LAMB1: variants seen among roughly 807,000 people sequenced by gnomAD.
LAMB1 encodes laminin subunit beta-1.
In LAMB1, 121 loss-of-function variants were observed where a neutral mutation model predicts 222.3. That is an observed-to-expected ratio of 0.54 (90% CI 0.47 to 0.63). LAMB1 has a LOEUF of 0.63. LAMB1 is among the 30% of genes least tolerant of loss of function. The probability of loss-of-function intolerance (pLI) is 0.00; values close to 1 mark genes in which losing one functional copy is unlikely to be tolerated. For synonymous variants in LAMB1, 794 were observed against 807.2 expected (o/e 0.98, Z 0.28); for missense variants, 2,172 against 2,240.8 (o/e 0.97, Z 0.62).
chr7:107,940,321 CTG>C lies in LAMB1; in HGVS notation c.3427_3428del (p.Gln1143ValfsTer2), dbSNP rs1562979290. 1 of 1,614,142 alleles carries C rather than the reference CTG, an allele frequency of 6.2e-7. No homozygotes were observed. The highest frequency in any genetic ancestry group is 1.7e-5 in the Admixed American group (1 of 60,028). Reference protein sequence around the residue: ...DCDPRGIETPQCDQSTGQCVC... With the variant: ...DCDPRGIETPXCDQSTGQCVC... ...CACACTGGCCCGTGGACTGGTCACACTGTGGCGTCTCAATGCCCCTGGGGTCA... is the reference window on the plus strand; with the variant it reads ...CACACTGGCCCGTGGACTGGTCACACTGGCGTCTCAATGCCCCTGGGGTCA... On this transcript the variant is annotated frameshift_variant, in exon 25 of 34. Coordinates refer to ENST00000222399, the MANE Select transcript of LAMB1 (RefSeq NM_002291.3). LOFTEE classifies it high-confidence loss of function.
chr7:107,976,296 G>A (rs565228366), intron 9 of LAMB1, among the ~76,000 whole-genome samples: 42 of 152,168 alleles, frequency 2.8e-4, no homozygotes, highest in African/African-American at 9.9e-4. Context: ...GCCTGTCCAC[G>A]GGCTCCCTGC....
At position 107,929,046 on chromosome 7, in the gene LAMB1, A is replaced by G. The variant is rs1182093298; in HGVS notation, c.4887+18T>C. On this transcript the variant is annotated intron_variant, in intron 31 of 33. Coordinates refer to ENST00000222399, the MANE Select transcript of LAMB1 (RefSeq NM_002291.3). ...ATGTAGGTGTGTTCCCATTCATGTA[A>G]TGATTGTGTATGCCTACCGAAGTTA... is the stretch of plus-strand genomic sequence containing the variant. 1 of 1,611,748 alleles carries G rather than the reference A, an allele frequency of 6.2e-7. No homozygotes were observed. The highest frequency in any genetic ancestry group is 1.1e-5 in the South Asian group (1 of 91,036).
Position 108,002,886 on chromosome 7 carries a change from G to A in LAMB1, c.-1C>T. The stretch of plus-strand genomic sequence containing the variant: ...AAGCTAGCAACTGGAGAAGCCCCAT[G>A]CCGGCTCCCTGCAGCCACGGGGACG... On this transcript the variant is annotated 5_prime_UTR_variant, in exon 2 of 34. Transcript: ENST00000222399. The A allele has an allele frequency of 6.2e-7, 1 of 1,614,058 alleles. No homozygotes were observed. Among genetic ancestry groups the A allele is most frequent in the Non-Finnish European group, 8.5e-7 (1 of 1,180,012 alleles).
intron 3 of LAMB1, chr7:107,999,862 C>G (rs929677957): frequency 3.3e-5 from 5 of 151,536 alleles, no homozygotes; most frequent in African/African-American, 1.2e-4. Context: ...ATACCAAGAG[C>G]CAGCTTCACA....
intron 4 of LAMB1, among the ~76,000 whole-genome samples, chr7:107,995,460 A>G (rs781546910): frequency 1.3e-5 from 2 of 152,252 alleles, no homozygotes; most frequent in African/African-American, 2.4e-5. Flanking sequence ...AGTCTACCAC[A>G]TATGTTAGTT....
rs1001577342 is a variant in LAMB1 at position 107,929,357 on chromosome 7, T to C, written c.4745+55A>G. The C allele has an allele frequency of 7.8e-6, 12 of 1,542,616 alleles. No individual in the cohort carries two copies. The Middle Eastern group carries it at 2.0e-3, about 261-fold the overall frequency. On this transcript the variant is annotated intron_variant, in intron 30 of 33. Transcript: ENST00000222399. ...GTTTCATTGGTTAAAGAGATACTTT[T>C]TACTCCATGATAGATACACAAAATA...
In LAMB1 at chr7:107,985,987, T is replaced by A. The variant is rs1365395158; in HGVS notation, c.676+35A>T. ...AACAAAACAAAACAAACAAACAAAC[T>A]AACAAAAAACACTTTTGTTTGAAAA... is the stretch of plus-strand genomic sequence containing the variant. On this transcript the variant is annotated intron_variant, in intron 7 of 33. Transcript: ENST00000222399. 3 of 1,501,786 alleles carry A rather than the reference T, an allele frequency of 2.0e-6. No homozygotes were observed. In the African/African-American group the frequency reaches 4.1e-5, roughly 21 times the overall value. 93.0% of individuals were successfully genotyped at this position (1,501,786 alleles called of 1,614,324 possible).
rs1356466610 is a variant in LAMB1, at chr7:107,962,902, T to C, written c.1857+3A>G. On this transcript the variant is annotated splice_donor_region_variant and intron_variant, in intron 15 of 33. Coordinates refer to ENST00000222399, the MANE Select transcript of LAMB1 (RefSeq NM_002291.3). ...CCACCAGTCCACTAAGTGGTTTCTT[T>C]ACCTGTGGCTCGTAGCGAATTAGGA... 1.9e-6 allele frequency: 3 copies of C among 1,611,056 alleles called. No individual in the cohort carries two copies. The highest frequency in any genetic ancestry group is 3.4e-5 in the Admixed American group (2 of 59,550).
intron 22 of LAMB1, 27 bp from the exon 23 acceptor site, chr7:107,952,250 T>C: frequency 6.5e-7 from 1 of 1,538,690 alleles, no homozygotes; most frequent in Non-Finnish European, 8.9e-7. Context: ...CATTTACTTA[T>C]TGTCACACTC....
At chr7:107,980,465 T>C (rs2033949918) in intron 8 of LAMB1, 144 bp downstream of exon 8, 6 of 624,556 alleles carry the variant, frequency 9.6e-6, no homozygotes. Context: ...AACAATCAGC[T>C]ACCTGTATGG....
At chr7:107,950,391 G>GT (rs2033216015) in intron 24 of LAMB1, among the ~76,000 whole-genome samples, 1 of 152,258 alleles carries the variant, frequency 6.6e-6, no homozygotes, top group South Asian at 2.1e-4. Flanking sequence ...TAAAAACAGA[G>GT]TTGCAACAGC....
chr7:107,949,403 G>A, intron 24 of LAMB1, among the ~76,000 whole-genome samples: 1 of 152,228 alleles, frequency 6.6e-6, no homozygotes, highest in African/African-American at 2.4e-5. Flanking sequence ...GACAGAATCA[G>A]GGTATGTGCA....
At chr7:107,976,518 C>T (rs1247364200) in intron 9 of LAMB1, among the ~76,000 whole-genome samples, 7 of 152,180 alleles carry the variant, frequency 4.6e-5, no homozygotes, top group Admixed American at 4.6e-4. Context: ...GCTTAACAAT[C>T]CCATTCTTGT....
At position 107,953,821 on chromosome 7, in the gene LAMB1, C is replaced by A. The variant is rs943699895; in HGVS notation, c.2855-67G>T. On this transcript the variant is annotated intron_variant, in intron 21 of 33. Coordinates refer to ENST00000222399, the MANE Select transcript of LAMB1 (RefSeq NM_002291.3). ...GACTGAAAGCTCACCAGTGCACCGACACTCATGCCTAGAGAGAGCTGATCG... is the reference window on the plus strand; with the variant it reads ...GACTGAAAGCTCACCAGTGCACCGAAACTCATGCCTAGAGAGAGCTGATCG... 1.1e-5 allele frequency: 15 copies of A among 1,353,744 alleles called. No individual in the cohort carries two copies. In the African/African-American group the frequency reaches 2.1e-4, roughly 19 times the overall value. The allele number at this position is 1,353,744 out of a possible 1,614,324, so 83.9% of individuals were successfully genotyped here. A position where few individuals can be genotyped will look rare whatever the true frequency, so the allele number is the denominator to read the frequency against.
intron 27 of LAMB1, among the ~76,000 whole-genome samples, chr7:107,934,922 C>T (rs988729636): frequency 1.2e-3 from 8 of 6,936 alleles, no homozygotes; most frequent in Non-Finnish European, 2.1e-3. Context: ...AAAAAAAAAG[C>T]GGGGGTGGGG....
intron 7 of LAMB1, among the ~76,000 whole-genome samples, chr7:107,984,000 G>A (rs553148584): frequency 6.6e-6 from 1 of 152,264 alleles, no homozygotes; most frequent in Non-Finnish European, 1.5e-5. Context: ...ATAAGCTTCA[G>A]CTTATTTTTC....
chr7:107,985,185 C>T (rs2034049969), intron 7 of LAMB1, among the ~76,000 whole-genome samples: 1 of 152,062 alleles, frequency 6.6e-6, no homozygotes, highest in Admixed American at 6.6e-5. Context: ...AAATGTATTC[C>T]CTATCAGTGG....
In LAMB1 at chr7:107,959,695, G is replaced by A; in HGVS notation, c.2454C>T (p.Cys818=). Residue 818 remains cysteine, a synonymous_variant, in exon 19 of 34, where the codon TGC becomes TGT. Transcript: ENST00000222399. ...CAATGCTTTTGAGGAACCTACGTTT[G>A]CATCCACTGGGGCCAAAGCCAAAAG... ...PGTFGFGPSG[C]KPCECHLQGS... is the part of the protein sequence containing the mutation. 6.2e-7 allele frequency: 1 copy of A among 1,614,224 alleles called. No individual in the cohort carries two copies. The highest frequency in any genetic ancestry group is 8.5e-7 in the Non-Finnish European group (1 of 1,180,050).
chr7:107,977,982 C>G, intron 9 of LAMB1, 65 bp downstream of exon 9: 4 of 1,589,086 alleles, frequency 2.5e-6, no homozygotes, highest in African/African-American at 1.3e-5. Context: ...GTTACAGTAC[C>G]TCTAATTAGG....
Sources: gnomAD v4.1 joint callset for allele counts (sites outside exome capture counted in the v4.1 genomes callset) on GRCh38, gnomAD v4.1.1 for gene constraint, MANE v1.5 for transcripts, NCBI Gene and HGNC (gene_info 2026-07-23, HGNC 2026-07-21) for gene names.